PTCD3: variants seen among roughly 807,000 people sequenced by gnomAD.
The protein encoded by PTCD3 is pentatricopeptide repeat domain 3.
A neutral mutation model predicts 101.9 loss-of-function variants in PTCD3; 89 were observed. The ratio of observed to expected loss-of-function variants is 0.87; its 90% CI spans 0.74 to 1.04. PTCD3 has a LOEUF of 1.04. Among genes scored for constraint, PTCD3 ranks in the 50% least tolerant of loss-of-function variants. The pLI is 0.00. For synonymous variants in PTCD3, 296 were observed against 278.5 expected (o/e 1.06, Z -0.63); for missense variants, 870 against 828.2 (o/e 1.05, Z -0.62).
chr2:86,121,902 G>A (rs948089486), intron 8 of PTCD3, among the ~76,000 whole-genome samples: 3 of 152,296 alleles, frequency 2.0e-5, no homozygotes, highest in Non-Finnish European at 4.4e-5. Flanking sequence ...TTCTGGCCAG[G>A]GAAAGACTCC....
At position 86,140,919 on chromosome 2, in the gene PTCD3, A is replaced by AAAAAAAAAC. The variant is rs1553442738; in HGVS notation, c.*3363_*3364insAAAAACAAA. 2 of 141,046 alleles carry AAAAAAAAAC rather than the reference A, an allele frequency of 1.4e-5. No homozygotes were observed. The highest frequency in any genetic ancestry group is 5.2e-5 in the African/African-American group (2 of 38,490). The allele number at this position is 141,046 out of a possible 1,614,324, so 8.7% of individuals were successfully genotyped here. A position where few individuals can be genotyped will look rare whatever the true frequency, so the allele number is the denominator to read the frequency against. ...AAACCCATCTCAAAAAAAAAAAAAA[A>AAAAAAAAAC]AAACCAAAAAAACTGTCCAGCTGTG... is the stretch of plus-strand genomic sequence containing the variant. On this transcript the variant is annotated 3_prime_UTR_variant, in exon 24 of 24. Transcript: ENST00000254630.
At chr2:86,127,774 T>G in intron 13 of PTCD3, 167 bp from the exon 14 acceptor site, 1 of 618,342 alleles carries the variant, frequency 1.6e-6, no homozygotes, top group East Asian at 2.8e-5. Context: ...GTTTTTTACC[T>G]TTACATTAAT....
chr2:86,112,511 T>C (rs1241951084), intron 4 of PTCD3, among the ~76,000 whole-genome samples: 1 of 151,708 alleles, frequency 6.6e-6, no homozygotes, highest in Non-Finnish European at 1.5e-5. Context: ...TGAAACCCTG[T>C]CTCTACCAAA....
At chr2:86,112,478 C>G (rs753811652) in intron 4 of PTCD3, among the ~76,000 whole-genome samples, 1 of 151,158 alleles carries the variant, frequency 6.6e-6, no homozygotes, top group Non-Finnish European at 1.5e-5. Context: ...GTCAGGAGTT[C>G]GATACCAGCA....
intron 13 of PTCD3, chr2:86,127,587 C>G (rs1674418905): frequency 1.5e-5 from 7 of 461,292 alleles, no homozygotes; most frequent in Non-Finnish European, 2.7e-5. Context: ...GACATTTTCC[C>G]AACATAATTA....
At position 86,108,527 on chromosome 2, in the gene PTCD3, A is replaced by C; in HGVS notation, c.185A>C (p.Lys62Thr). Residue 62 changes from lysine to threonine, a missense_variant, in exon 3 of 24, where the codon AAG (lysine) becomes ACG (threonine). Transcript: ENST00000254630. ...ATTGAAGAAGTAGTAATTCCAAAAA[A>C]GAAAACTTGGTAAGTATTCTATCAG... ...TGIEEVVIPK[K>T]KTWDKVAVLQ... The C allele has an allele frequency of 1.3e-6, 2 of 1,596,222 alleles. No individual in the cohort carries two copies. The highest frequency in any genetic ancestry group is 1.7e-6 in the Non-Finnish European group (2 of 1,175,098).
At chr2:86,130,547 G>A (rs1674476377) in intron 14 of PTCD3, 101 bp from the exon 15 acceptor site, 2 of 1,507,784 alleles carry the variant, frequency 1.3e-6, no homozygotes, top group Non-Finnish European at 8.9e-7. Context: ...GACTTAGGCT[G>A]GAGGTGGAGG....
chr2:86,123,259 C>CT (rs1674326025), intron 8 of PTCD3, among the ~76,000 whole-genome samples: 1 of 47,780 alleles, frequency 2.1e-5, no homozygotes, highest in African/African-American at 4.7e-5. Flanking sequence ...GAGACTCTGT[C>CT]TTAAAAAAAA....
intron 14 of PTCD3, among the ~76,000 whole-genome samples, chr2:86,129,944 C>G (rs903843280): frequency 6.8e-6 from 1 of 147,606 alleles, no homozygotes; most frequent in Admixed American, 6.8e-5. Flanking sequence ...TCCATTAATT[C>G]TAGTTTACTT....
chr2:86,134,930 C>T lies in PTCD3; in HGVS notation c.1721C>T (p.Thr574Ile), dbSNP rs1319059342. The change falls in exon 21 of 24, where the codon ACC becomes ATC. Residue 574 changes from threonine to isoleucine, a missense_variant. Thr to Ile is a moderately conservative substitution (Grantham distance 89). Coordinates refer to ENST00000254630, the MANE Select transcript of PTCD3 (RefSeq NM_017952.6). ...IRQTAQDWPA[T>I]SLNCIAILFL... ...CAGACTGCTCAGGATTGGCCAGCCA[C>T]CTCTCTCAACTGTATAGCTATCCTC... 1.9e-6 allele frequency: 3 copies of T among 1,614,002 alleles called. No homozygotes were observed. The highest frequency in any genetic ancestry group is 1.7e-5 in the Admixed American group (1 of 59,994).
chr2:86,119,871 G>C (rs1053668395), intron 7 of PTCD3, among the ~76,000 whole-genome samples: 2 of 152,182 alleles, frequency 1.3e-5, no homozygotes, highest in African/African-American at 4.8e-5. Context: ...ATGTAAACTT[G>C]CGGAGCTACA....
At chr2:86,132,672 C>T (rs1049378933) in intron 17 of PTCD3, 2 of 373,480 alleles carry the variant, frequency 5.4e-6, no homozygotes, top group Admixed American at 4.5e-5. Context: ...TATCTTTTTC[C>T]TCTACCCCCT....
chr2:86,136,128 G>A (rs1674580948), intron 21 of PTCD3: 4 of 466,852 alleles, frequency 8.6e-6, no homozygotes. Context: ...TCCTTAGAAG[G>A]ACAGTGGTGA....
In PTCD3 at chr2:86,121,516, G is replaced by A. The variant is rs142084338; in HGVS notation, c.576G>A (p.Leu192=). Residue 192 remains leucine (L), a synonymous_variant, in exon 8 of 24, where the codon TTG becomes TTA. Coordinates refer to ENST00000254630, the MANE Select transcript of PTCD3 (RefSeq NM_017952.6). ...TVSLETTNSL[L]DLLCYYGDQE... is the part of the protein sequence containing the mutation. ...CTCTTGAAACAACAAATAGTCTCTT[G>A]GATTTATTGTGTTACTATGGTGACC... 367 of 1,609,118 alleles carry A rather than the reference G, an allele frequency of 2.3e-4. No homozygotes were observed. Among genetic ancestry groups the A allele is most frequent in the Non-Finnish European group, 3.0e-4 (358 of 1,177,872 alleles).
chr2:86,109,652 T>C (rs1031229502), intron 3 of PTCD3, among the ~76,000 whole-genome samples: 2 of 152,202 alleles, frequency 1.3e-5, no homozygotes, highest in Non-Finnish European at 2.9e-5. Context: ...AGAATCAGAA[T>C]TGGAAATGTG....
At chr2:86,137,405 G>A (rs1674606472) in intron 23 of PTCD3, 64 bp from the exon 24 acceptor site, 1 of 1,602,350 alleles carries the variant, frequency 6.2e-7, no homozygotes, top group African/African-American at 1.3e-5. Flanking sequence ...GAGTGTCAGA[G>A]ACACCGAGAA....
intron 6 of PTCD3, among the ~76,000 whole-genome samples, chr2:86,117,665 C>G (rs1276309033): frequency 1.3e-5 from 2 of 152,080 alleles, no homozygotes; most frequent in Non-Finnish European, 2.9e-5. Flanking sequence ...TCTCACTGCA[C>G]TGCCCAGGCT....
At chr2:86,127,115 A>G (rs371874445) in intron 12 of PTCD3, 46 bp from the exon 13 acceptor site, 2 of 1,533,672 alleles carry the variant, frequency 1.3e-6, no homozygotes, top group African/African-American at 2.8e-5. Flanking sequence ...ATTATTGGAC[A>G]GATTACCCAG....
In PTCD3 at chr2:86,133,358, C is replaced by T; in HGVS notation, c.1465C>T (p.His489Tyr). The change falls in exon 19 of 24, where the codon CAC becomes TAC. Residue 489 changes from histidine to tyrosine, a missense_variant. His to Tyr is a moderately conservative substitution (Grantham distance 83). Transcript: ENST00000254630. The stretch of plus-strand genomic sequence containing the variant: ...TTCTCTTAATCAGGCCTACTTTCCC[C>T]ACTCCCAAACAATGATACATCTTCT... ...EDLIPSAYFPHSQTMIHLLQA... is the reference protein window; with the variant it reads ...EDLIPSAYFPYSQTMIHLLQA... The T allele has an allele frequency of 6.2e-7, 1 of 1,614,112 alleles. No individual in the cohort carries two copies. Among genetic ancestry groups the T allele is most frequent in the Non-Finnish European group, 8.5e-7 (1 of 1,179,978 alleles).
Sources: allele counts gnomAD v4.1 joint callset (sites outside exome capture counted in the v4.1 genomes callset), GRCh38; gene constraint gnomAD v4.1.1; transcripts MANE v1.5; gene names NCBI Gene and HGNC (gene_info 2026-07-23, HGNC 2026-07-21).